RIMKLB: variants seen among roughly 807,000 people sequenced by gnomAD.
The protein encoded by RIMKLB is beta-citrylglutamate synthase B.
RIMKLB carries 7 observed loss-of-function variants against 32.0 expected under a neutral mutation model. The observed-to-expected ratio is 0.22, with a 90% CI of 0.12 to 0.41. The LOEUF is 0.41. Ranked by LOEUF, RIMKLB falls within the 10% of genes least tolerant of loss-of-function variation. RIMKLB has a pLI of 1.00. For missense variants in RIMKLB, 289 were observed against 498.7 expected (o/e 0.58, Z 4.00); for synonymous variants, 172 against 185.1 (o/e 0.93, Z 0.57).
upstream of RIMKLB, among the ~76,000 whole-genome samples, chr12:8,695,909 T>C (rs2136606451): frequency 6.6e-6 from 1 of 152,182 alleles, no homozygotes; most frequent in East Asian, 1.9e-4. Context: ...GTCAGGCTGG[T>C]CCAAAACTCC....
intron 2 of RIMKLB, among the ~76,000 whole-genome samples, chr12:8,746,233 T>C (rs71447531): frequency 6.6e-6 from 1 of 151,712 alleles, no homozygotes; most frequent in Non-Finnish European, 1.5e-5. Flanking sequence ...ATCCTCAAAC[T>C]GGCGCCGAGG....
chr12:8,736,868 A>G (rs1371457285), intron 2 of RIMKLB, among the ~76,000 whole-genome samples: 1 of 152,128 alleles, frequency 6.6e-6, no homozygotes, highest in African/African-American at 2.4e-5. Flanking sequence ...CTGGAATGCA[A>G]TGGCACGATC....
intron 1 of RIMKLB, among the ~76,000 whole-genome samples, chr12:8,703,512 T>G (rs143010226): frequency 3.6e-4 from 55 of 152,212 alleles, no homozygotes; most frequent in African/African-American, 1.3e-3. Context: ...TTCTTTCACT[T>G]TTTGTAGAGA....
intron 2 of RIMKLB, among the ~76,000 whole-genome samples, chr12:8,739,781 C>G (rs1329631641): frequency 6.6e-6 from 1 of 151,998 alleles, no homozygotes; most frequent in Non-Finnish European, 1.5e-5. Context: ...CTTCTTGTCT[C>G]TTCTTATAAA....
At chr12:8,683,013 G>A (rs937352057) in intron 1 of RIMKLB, among the ~76,000 whole-genome samples, 2 of 152,234 alleles carry the variant, frequency 1.3e-5, no homozygotes, top group South Asian at 4.2e-4. Flanking sequence ...CATACAGTAT[G>A]TGGACTTTTC....
At chr12:8,704,245 T>G (rs1255697398) in intron 1 of RIMKLB, among the ~76,000 whole-genome samples, 1 of 151,956 alleles carries the variant, frequency 6.6e-6, no homozygotes, top group Non-Finnish European at 1.5e-5. Context: ...TAGCCGGGTG[T>G]GGCGGTGTGT....
At chr12:8,764,053 G>C (rs1224104414) in intron 5 of RIMKLB, among the ~76,000 whole-genome samples, 1 of 152,176 alleles carries the variant, frequency 6.6e-6, no homozygotes, top group Non-Finnish European at 1.5e-5. Flanking sequence ...ATAATCCTGA[G>C]ATCTTGCACT....
intron 1 of RIMKLB, among the ~76,000 whole-genome samples, chr12:8,708,091 G>A (rs1383921528): frequency 6.6e-6 from 1 of 152,112 alleles, no homozygotes; most frequent in Non-Finnish European, 1.5e-5. Context: ...TGTTACAATA[G>A]AGTTCTATAC....
intron 5 of RIMKLB, among the ~76,000 whole-genome samples, chr12:8,759,994 G>A (rs1949378967): frequency 2.6e-5 from 4 of 151,986 alleles, no homozygotes; most frequent in South Asian, 4.2e-4. Context: ...TGTGCACAAC[G>A]TGCAGGTTTG....
intron 2 of RIMKLB, among the ~76,000 whole-genome samples, chr12:8,729,104 C>G (rs1382911138): frequency 1.3e-5 from 2 of 152,116 alleles, no homozygotes; most frequent in Non-Finnish European, 1.5e-5. Flanking sequence ...TACCCACAAC[C>G]CTCTAAAGCC....
At chr12:8,780,259 A>G (rs1164481994), downstream of RIMKLB, 2 of 152,194 alleles carry the variant, frequency 1.3e-5, no homozygotes, top group Non-Finnish European at 2.9e-5. Context: ...GTATTTGTTC[A>G]TAGGTTGTAG....
At chr12:8,779,800 GAACA>G (rs1950926980), downstream of RIMKLB, 1 of 152,108 alleles carries the variant, frequency 6.6e-6, no homozygotes, top group South Asian at 2.1e-4. Flanking sequence ...CTCAGGATTT[GAACA>G]AACAGAAGAC....
chr12:8,720,992 A>G (rs1009110330), intron 2 of RIMKLB, among the ~76,000 whole-genome samples: 1 of 152,236 alleles, frequency 6.6e-6, no homozygotes, highest in Non-Finnish European at 1.5e-5. Flanking sequence ...AGACTATTTA[A>G]AAACAAAAAT....
In RIMKLB at chr12:8,757,099, C is replaced by A. The variant is rs181437131; in HGVS notation, c.697+3006C>A. On this transcript the variant is annotated intron_variant, in intron 5 of 5. Coordinates refer to ENST00000535829, the MANE Select transcript of RIMKLB (RefSeq NM_001297776.2). The stretch of plus-strand genomic sequence containing the variant: ...TAGCTAGAAGAGAGCTAAATGGCAT[C>A]TTTTCTTTTATGAGTCACTTTTACT... Among the ~76,000 whole-genome samples, 13 of 152,242 alleles carry A rather than the reference C, an allele frequency of 8.5e-5. No individual in the cohort carries two copies. In the East Asian group the frequency reaches 2.5e-3, roughly 29 times the overall value.
At chr12:8,703,026 C>G (rs1445521709) in intron 1 of RIMKLB, among the ~76,000 whole-genome samples, 1 of 152,204 alleles carries the variant, frequency 6.6e-6, no homozygotes, top group Non-Finnish European at 1.5e-5. Flanking sequence ...TGGCTCACAC[C>G]TGTAATCCCA....
At chr12:8,768,337 C>T (rs1179781641) in intron 5 of RIMKLB, among the ~76,000 whole-genome samples, 1 of 152,024 alleles carries the variant, frequency 6.6e-6, no homozygotes, top group Admixed American at 6.6e-5. Context: ...TGGCAAACAG[C>T]AGTGATGGAC....
chr12:8,751,767 C>T (rs1205756970), intron 3 of RIMKLB, among the ~76,000 whole-genome samples, 190 bp from the exon 4 acceptor site: 1 of 152,054 alleles, frequency 6.6e-6, no homozygotes, highest in Non-Finnish European at 1.5e-5. Context: ...ATTAAGGGAG[C>T]TATTATTTGT....
chr12:8,754,801 G>T (rs758646543), intron 5 of RIMKLB, among the ~76,000 whole-genome samples: 1 of 152,170 alleles, frequency 6.6e-6, no homozygotes, highest in African/African-American at 2.4e-5. Context: ...GTATGTATGA[G>T]TGAGTGAATG....
intron 5 of RIMKLB, among the ~76,000 whole-genome samples, chr12:8,761,480 G>A (rs777534301): frequency 6.6e-6 from 1 of 152,182 alleles, no homozygotes; most frequent in African/African-American, 2.4e-5. Flanking sequence ...AAAGGGGATT[G>A]TCGCTCCCTG....
Sources: gnomAD v4.1 joint callset for allele counts (sites outside exome capture counted in the v4.1 genomes callset) on GRCh38, gnomAD v4.1.1 for gene constraint, MANE v1.5 for transcripts, NCBI Gene and HGNC (gene_info 2026-07-23, HGNC 2026-07-21) for gene names.